SNX16: variants seen among roughly 807,000 people sequenced by gnomAD.
SNX16 encodes the protein sorting nexin-16.
Under a neutral mutation model 36.7 loss-of-function variants are expected in SNX16, and 35 were observed. That is an observed-to-expected ratio of 0.95 (90% CI 0.73 to 1.27). The LOEUF is 1.27. SNX16 is among the 50% of genes most tolerant of loss of function. The pLI is 0.00. For synonymous variants in SNX16, 134 were observed against 132.0 expected (o/e 1.02, Z -0.10); for missense variants, 367 against 393.6 (o/e 0.93, Z 0.57).
At chr8:81,804,921 C>A (rs1172714611) in intron 5 of SNX16, among the ~76,000 whole-genome samples, 1 of 151,956 alleles carries the variant, frequency 6.6e-6, no homozygotes, top group Admixed American at 6.6e-5. Context: ...TTGAACAAAT[C>A]CACACCATAA....
At chr8:81,809,679 A>G (rs1810136469) in intron 5 of SNX16, among the ~76,000 whole-genome samples, 1 of 152,252 alleles carries the variant, frequency 6.6e-6, no homozygotes, top group South Asian at 2.1e-4. Context: ...AAGATTGACA[A>G]TACTTGTATT....
intron 5 of SNX16, chr8:81,808,873 C>A (rs1810095647): frequency 1.5e-6 from 1 of 664,924 alleles, no homozygotes; most frequent in Non-Finnish European, 2.7e-6. Flanking sequence ...TAGACAAATA[C>A]TCATGTGCAT....
intron 6 of SNX16, 25 bp downstream of exon 6, chr8:81,803,067 T>C: frequency 1.9e-6 from 3 of 1,581,364 alleles, no homozygotes; most frequent in Non-Finnish European, 2.6e-6. Flanking sequence ...TTAGTCAGAG[T>C]AGAAATGCAA....
intron 5 of SNX16, among the ~76,000 whole-genome samples, chr8:81,807,064 G>A (rs1205845808): frequency 6.6e-6 from 1 of 152,108 alleles, no homozygotes; most frequent in East Asian, 1.9e-4. Flanking sequence ...AATGGCAATA[G>A]GATTTTTTCA....
intron 4 of SNX16, among the ~76,000 whole-genome samples, chr8:81,817,021 T>C (rs1464990876): frequency 6.6e-6 from 1 of 152,162 alleles, no homozygotes; most frequent in Non-Finnish European, 1.5e-5. Context: ...TATCCACCCA[T>C]TATTTATACT....
chr8:81,841,722 C>T (rs1312062104), intron 1 of SNX16: 2 of 152,264 alleles, frequency 1.3e-5, no homozygotes, highest in Admixed American at 6.5e-5. Context: ...GCTCCCAGGA[C>T]GCTCAGTTCA....
Position 81,808,349 on chromosome 8 carries a change from A to G in SNX16, c.682-5121T>C, listed in dbSNP as rs117461272. On this transcript the variant is annotated intron_variant, in intron 5 of 7. Coordinates refer to ENST00000345957, the MANE Select transcript of SNX16 (RefSeq NM_152836.3). ...AGATGGCTAGTGCTTCATCCAGGCAAAGAGGTCGAAGTGGTTCTGGAAACT... is the reference window on the plus strand; with the variant it reads ...AGATGGCTAGTGCTTCATCCAGGCAGAGAGGTCGAAGTGGTTCTGGAAACT... 8.8e-3 allele frequency: 11,434 copies of G among 1,292,618 alleles called. 91 individuals are homozygous for G. The highest frequency in any genetic ancestry group is 0.026 in the South Asian group (2,207 of 84,494). The allele number at this position is 1,292,618 out of a possible 1,614,324, so 80.1% of individuals were successfully genotyped here. A position where few individuals can be genotyped will look rare whatever the true frequency, so the allele number is the denominator to read the frequency against.
intron 3 of SNX16, among the ~76,000 whole-genome samples, chr8:81,828,655 T>C (rs1385008492): frequency 6.6e-6 from 1 of 152,206 alleles, no homozygotes; most frequent in East Asian, 1.9e-4. Flanking sequence ...AGGTTACTAA[T>C]CAATTGACCT....
Position 81,840,079 on chromosome 8 carries a change from C to G in SNX16, c.-93G>C, listed in dbSNP as rs1306054820. On this transcript the variant is annotated 5_prime_UTR_variant, in exon 2 of 8. Transcript: ENST00000345957. ...CCATTATTTTCTTCTTAGGAATTCACTATCTAAAAATGAAAAGGACATATT... is the reference window on the plus strand; with the variant it reads ...CCATTATTTTCTTCTTAGGAATTCAGTATCTAAAAATGAAAAGGACATATT... 2.8e-6 allele frequency: 4 copies of G among 1,406,850 alleles called. No homozygotes were observed. The highest frequency in any genetic ancestry group is 2.9e-5 in the African/African-American group (2 of 69,712). 87.1% of individuals were successfully genotyped at this position (1,406,850 alleles called of 1,614,324 possible). A position where few individuals can be genotyped will look rare whatever the true frequency, so the allele number is the denominator to read the frequency against.
intron 4 of SNX16, among the ~76,000 whole-genome samples, chr8:81,817,196 T>G (rs1035249133): frequency 1.7e-4 from 26 of 152,222 alleles, no homozygotes; most frequent in African/African-American, 6.0e-4. Context: ...ATATGACAAA[T>G]GTGAGACATT....
chr8:81,810,504 G>A (rs1810186947), intron 5 of SNX16, among the ~76,000 whole-genome samples: 1 of 152,150 alleles, frequency 6.6e-6, no homozygotes, highest in Non-Finnish European at 1.5e-5. Flanking sequence ...ATTTTACCTT[G>A]AAGGAGAGGA....
At chr8:81,802,960 A>C in intron 6 of SNX16, 132 bp downstream of exon 6, 1 of 764,876 alleles carries the variant, frequency 1.3e-6, no homozygotes, top group Non-Finnish European at 1.9e-6. Context: ...AATTTTCCCA[A>C]TGAAGTATGC....
At position 81,839,725 on chromosome 8, in the gene SNX16, T is replaced by C. The variant is rs1811651448; in HGVS notation, c.262A>G (p.Thr88Ala). The change falls in exon 2 of 8, where the codon ACT (threonine) becomes GCT (alanine). Residue 88 changes from threonine to alanine, a missense_variant. By Grantham distance (58) the Thr-to-Ala change is moderately conservative. Transcript: ENST00000345957. Reference sequence around the variant, plus strand: ...TGTTCTTCAGTGTCTCTTGGTCTAGTAGAATACTCAATGGAAGAAGCTGTA... The same window carrying C: ...TGTTCTTCAGTGTCTCTTGGTCTAGCAGAATACTCAATGGAAGAAGCTGTA... ...TGTASSIEYS[T>A]RPRDTEEQNP... is the part of the protein sequence containing the mutation. The C allele has an allele frequency of 1.2e-6, 2 of 1,614,022 alleles. No homozygotes were observed. The highest frequency in any genetic ancestry group is 1.1e-5 in the South Asian group (1 of 91,074).
At chr8:81,826,007 A>T (rs1448643600) in intron 3 of SNX16, among the ~76,000 whole-genome samples, 2 of 149,036 alleles carry the variant, frequency 1.3e-5, no homozygotes, top group African/African-American at 4.9e-5. Flanking sequence ...ACCATTTACA[A>T]TTTAAATGGT....
chr8:81,829,544 G>C (rs1414437884), intron 2 of SNX16, 28 bp from the exon 3 acceptor site: 1 of 1,013,118 alleles, frequency 9.9e-7, no homozygotes, highest in Non-Finnish European at 1.4e-6. Context: ...AACAGACGGA[G>C]AGAAAAATAT....
intron 2 of SNX16, among the ~76,000 whole-genome samples, chr8:81,835,222 G>C (rs988419852): frequency 6.6e-6 from 1 of 152,166 alleles, no homozygotes; most frequent in African/African-American, 2.4e-5. Flanking sequence ...TGGGACGCAG[G>C]GCACCAAGCC....
At position 81,839,998 on chromosome 8, in the gene SNX16, T is replaced by C; in HGVS notation, c.-12A>G. ...TAAGGAGTTGCCATCTTCTTTTGGCTTTTCCAACAAGCTTGCACACTGTTG... is the reference window on the plus strand; with the variant it reads ...TAAGGAGTTGCCATCTTCTTTTGGCCTTTCCAACAAGCTTGCACACTGTTG... On this transcript the variant is annotated 5_prime_UTR_variant, in exon 2 of 8. Transcript: ENST00000345957. 6.3e-7 allele frequency: 1 copy of C among 1,580,738 alleles called. No homozygotes were observed. The highest frequency in any genetic ancestry group is 1.2e-5 in the South Asian group (1 of 85,932).
intron 5 of SNX16, chr8:81,807,921 C>T (rs55684616): frequency 0.088 from 67,541 of 769,536 alleles, 3,681 homozygotes; most frequent in East Asian, 0.17. Flanking sequence ...GAAATCCAAA[C>T]ACCAGGTGCT....
At chr8:81,815,479 C>T (rs1409126286) in intron 4 of SNX16, 85 bp from the exon 5 acceptor site, 16 of 1,085,160 alleles carry the variant, frequency 1.5e-5, no homozygotes, top group Non-Finnish European at 2.2e-5. Flanking sequence ...TGAAGCTGTA[C>T]AGTGTTTTAA....
Sources: gnomAD v4.1 joint callset for allele counts (sites outside exome capture counted in the v4.1 genomes callset) on GRCh38, gnomAD v4.1.1 for gene constraint, MANE v1.5 for transcripts, NCBI Gene and HGNC (gene_info 2026-07-23, HGNC 2026-07-21) for gene names.